PRKCE: variants seen among roughly 807,000 people sequenced by gnomAD.
PRKCE encodes protein kinase C epsilon, also known as protein kinase C epsilon type.
In PRKCE, 16 loss-of-function variants were observed where a neutral mutation model predicts 85.4. The observed-to-expected ratio is 0.19, with a 90% CI of 0.13 to 0.28. PRKCE has a LOEUF of 0.28. PRKCE is among the 10% of genes least tolerant of loss of function. PRKCE has a pLI of 1.00. For synonymous variants in PRKCE, 388 were observed against 371.5 expected (o/e 1.04, Z -0.51); for missense variants, 573 against 975.2 (o/e 0.59, Z 5.49).
chr2:45,838,369 T>C (rs1352788560), intron 1 of PRKCE, among the ~76,000 whole-genome samples: 2 of 152,224 alleles, frequency 1.3e-5, no homozygotes, highest in Non-Finnish European at 2.9e-5. Context: ...CTGAAAGCTC[T>C]CTAAGCCTGT....
chr2:46,070,647 A>AC (rs200420325), intron 10 of PRKCE, among the ~76,000 whole-genome samples: 150 of 151,836 alleles, frequency 9.9e-4, no homozygotes, highest in African/African-American at 3.3e-3. Flanking sequence ...CGTCTCAAAA[A>AC]AAAAACAAAA....
At chr2:45,734,100 C>T (rs781338645) in intron 1 of PRKCE, among the ~76,000 whole-genome samples, 1 of 152,214 alleles carries the variant, frequency 6.6e-6, no homozygotes, top group Non-Finnish European at 1.5e-5. Context: ...GGTGCGGTGG[C>T]TCACGCCTGT....
intron 2 of PRKCE, among the ~76,000 whole-genome samples, chr2:45,885,525 C>G (rs1354425306): frequency 1.3e-5 from 2 of 152,180 alleles, no homozygotes; most frequent in African/African-American, 4.8e-5. Flanking sequence ...CTATACAAAA[C>G]AAGCCTGGAC....
At chr2:45,779,930 C>T (rs1049808162) in intron 1 of PRKCE, among the ~76,000 whole-genome samples, 11 of 152,188 alleles carry the variant, frequency 7.2e-5, no homozygotes, top group African/African-American at 2.2e-4. Flanking sequence ...TCTCCCTCAG[C>T]TTCAACATTT....
chr2:45,842,589 T>A (rs1382453644), intron 1 of PRKCE, among the ~76,000 whole-genome samples: 2 of 152,208 alleles, frequency 1.3e-5, no homozygotes, highest in Non-Finnish European at 2.9e-5. Flanking sequence ...CATAGGGCTT[T>A]CTCAACCTCA....
Position 45,699,584 on chromosome 2 carries a change from T to C in PRKCE, c.348+47136T>C, listed in dbSNP as rs1572980948. ...AGCCCCCATGCTGTGTGGGTCACTG[T>C]AGACATGGCTCTGCTGTCATCTGTA... On this transcript the variant is annotated intron_variant, in intron 1 of 14. Coordinates refer to ENST00000306156, the MANE Select transcript of PRKCE (RefSeq NM_005400.3). 3.3e-5 allele frequency among the ~76,000 whole-genome samples: 5 copies of C among 152,216 alleles called. No homozygotes were observed. The East Asian group carries it at 9.6e-4, about 29-fold the overall frequency.
At chr2:45,872,234 C>G (rs1694152447) in intron 2 of PRKCE, among the ~76,000 whole-genome samples, 1 of 152,076 alleles carries the variant, frequency 6.6e-6, no homozygotes, top group South Asian at 2.1e-4. Context: ...GAAACAAAGT[C>G]AGCCATGCAG....
At chr2:45,993,834 CAG>C (rs1248776100) in intron 6 of PRKCE, among the ~76,000 whole-genome samples, 2 of 152,136 alleles carry the variant, frequency 1.3e-5, no homozygotes, top group African/African-American at 2.4e-5. Context: ...GCCCGCGGAT[CAG>C]AGTTATTAGT....
chr2:45,919,001 G>T (rs754490478), intron 2 of PRKCE, among the ~76,000 whole-genome samples: 9 of 152,210 alleles, frequency 5.9e-5, no homozygotes, highest in Non-Finnish European at 1.2e-4. Flanking sequence ...ATGCCAGCTG[G>T]GATGGACAGC....
chr2:45,841,198 T>C (rs554723832), intron 1 of PRKCE, among the ~76,000 whole-genome samples: 1 of 152,312 alleles, frequency 6.6e-6, no homozygotes, highest in South Asian at 2.1e-4. Flanking sequence ...AGGATATATG[T>C]ATATATGAAG....
chr2:45,942,740 G>C (rs1699974475), intron 2 of PRKCE, among the ~76,000 whole-genome samples: 2 of 152,082 alleles, frequency 1.3e-5, no homozygotes, highest in Non-Finnish European at 2.9e-5. Flanking sequence ...TAATCTTCTT[G>C]AGATTCAGTT....
chr2:45,757,957 G>T (rs915362748), intron 1 of PRKCE, among the ~76,000 whole-genome samples: 1 of 152,314 alleles, frequency 6.6e-6, no homozygotes, highest in African/African-American at 2.4e-5. Flanking sequence ...GCAGATGTAG[G>T]ATCCAAGTGA....
chr2:45,800,712 A>G (rs930308521), intron 1 of PRKCE, among the ~76,000 whole-genome samples: 1 of 152,222 alleles, frequency 6.6e-6, no homozygotes, highest in Non-Finnish European at 1.5e-5. Context: ...CAGAAGAACA[A>G]AATAAAACTT....
chr2:46,097,468 C>T (rs1048131470), intron 11 of PRKCE, among the ~76,000 whole-genome samples: 1 of 148,308 alleles, frequency 6.7e-6, no homozygotes, highest in African/African-American at 2.5e-5. Flanking sequence ...TGCAGTGAGC[C>T]GAGATCACAC....
intron 1 of PRKCE, among the ~76,000 whole-genome samples, chr2:45,746,866 C>T (rs1406048993): frequency 2.6e-5 from 4 of 152,202 alleles, no homozygotes; most frequent in African/African-American, 4.8e-5. Context: ...CATGTCATTG[C>T]ATTCCTGCCC....
chr2:45,865,918 AG>A (rs1187866932), intron 2 of PRKCE, among the ~76,000 whole-genome samples: 1 of 151,620 alleles, frequency 6.6e-6, no homozygotes, highest in East Asian at 1.9e-4. Context: ...CACAGGCTCA[AG>A]TGATCCTACT....
At chr2:45,894,521 A>G (rs10205690) in intron 2 of PRKCE, among the ~76,000 whole-genome samples, 90,979 of 150,700 alleles carry the variant, frequency 0.6, 28,224 homozygotes, top group East Asian at 0.98. Flanking sequence ...AAGGAAGGTG[A>G]CCTTGGGCAA....
intron 14 of PRKCE, among the ~76,000 whole-genome samples, chr2:46,180,783 C>T (rs940110388): frequency 2.0e-5 from 3 of 152,186 alleles, no homozygotes; most frequent in African/African-American, 4.8e-5. Flanking sequence ...CCCCGTGTGA[C>T]AGATGGAAAG....
chr2:45,733,193 G>T (rs568635639), intron 1 of PRKCE, among the ~76,000 whole-genome samples: 1 of 152,224 alleles, frequency 6.6e-6, no homozygotes, highest in Non-Finnish European at 1.5e-5. Flanking sequence ...GACTGCATGT[G>T]AGCTTGATGC....
Sources: allele counts gnomAD v4.1 joint callset (sites outside exome capture counted in the v4.1 genomes callset), GRCh38; gene constraint gnomAD v4.1.1; transcripts MANE v1.5; gene names NCBI Gene and HGNC (gene_info 2026-07-23, HGNC 2026-07-21).